Variants in SNCB observed in about 807,000 individuals in gnomAD.
SNCB encodes beta-synuclein.
SNCB carries 8 observed loss-of-function variants against 20.0 expected under a neutral mutation model. The ratio of observed to expected loss-of-function variants is 0.40; its 90% confidence interval spans 0.24 to 0.72. The LOEUF (loss-of-function observed/expected upper bound fraction) is 0.72, where lower values mean the gene tolerates loss of function less well. Ranked by LOEUF, SNCB falls within the 30% of genes least tolerant of loss-of-function variation. The pLI is 0.37. For synonymous variants in SNCB, 56 were observed against 65.4 expected (o/e 0.86, Z 0.69); for missense variants, 125 against 168.0 (o/e 0.74, Z 1.41).
chr5:176,624,114 C>T (rs771725718), intron 4 of SNCB, among the ~76,000 whole-genome samples: 1 of 152,198 alleles, frequency 6.6e-6, no homozygotes, highest in Non-Finnish European at 1.5e-5. Context: ...GAGGCGTCAA[C>T]AAGCACCAGT....
chr5:176,622,525 G>A (rs1581167282), intron 4 of SNCB, among the ~76,000 whole-genome samples: 3 of 93,508 alleles, frequency 3.2e-5, no homozygotes, highest in Admixed American at 9.1e-5. Flanking sequence ...AACAAAACAA[G>A]CCAGCTTGAG....
chr5:176,627,006 G>A (rs961987246), intron 2 of SNCB, among the ~76,000 whole-genome samples: 2 of 152,208 alleles, frequency 1.3e-5, no homozygotes, highest in African/African-American at 4.8e-5. Context: ...AGTGGATGTT[G>A]GCTGAGGGCC....
At position 176,621,538 on chromosome 5, in the gene SNCB, C is replaced by T. The variant is rs1310604125; in HGVS notation, c.283-235G>A. On this transcript the variant is annotated intron_variant, in intron 4 of 5. Coordinates refer to ENST00000393693, the MANE Select transcript of SNCB (RefSeq NM_003085.5). This position sits in a 1 kb window ranked among gnomAD's most constrained non-coding sequence, Gnocchi z 4.1. Reference sequence around the variant, plus strand: ...GCATGGAGTGGGAGCTGGCTCTCCACGCCGCTCCCCCAATGCCTGGCAGCC... The same window carrying T: ...GCATGGAGTGGGAGCTGGCTCTCCATGCCGCTCCCCCAATGCCTGGCAGCC... Among the ~76,000 whole-genome samples, 5 of 152,226 alleles carry T rather than the reference C, an allele frequency of 3.3e-5. No individual in the cohort carries two copies. The highest frequency in any genetic ancestry group is 4.1e-4 in the South Asian group (2 of 4,832).
In SNCB at chr5:176,630,505, C is replaced by G. The variant is rs993343305; in HGVS notation, c.-235G>C. 1 of 153,638 alleles carries G rather than the reference C, an allele frequency of 6.5e-6. No homozygotes were observed. Among genetic ancestry groups the G allele is most frequent in the Non-Finnish European group, 1.5e-5 (1 of 68,870 alleles). The allele number at this position is 153,638 out of a possible 1,614,324, so 9.5% of individuals were successfully genotyped here. On this transcript the variant is annotated 5_prime_UTR_variant, in exon 1 of 6. Coordinates refer to ENST00000393693, the MANE Select transcript of SNCB (RefSeq NM_003085.5). ...CCTGCGAGCTCGCGCGCTCCGGCTC[C>G]GGCTCCGGCTCCGGCGCTGCGGCAG...
intron 4 of SNCB, among the ~76,000 whole-genome samples, chr5:176,624,017 A>T (rs1455327104): frequency 6.6e-6 from 1 of 152,244 alleles, no homozygotes; most frequent in Non-Finnish European, 1.5e-5. Context: ...ATGGGCCTGC[A>T]TGAGTCCCCC....
chr5:176,627,037 GC>G (rs1315342307), intron 2 of SNCB, among the ~76,000 whole-genome samples: 1 of 152,224 alleles, frequency 6.6e-6, no homozygotes, highest in Non-Finnish European at 1.5e-5. Context: ...CAAGTCCTCT[GC>G]CTGCCCCGCT....
intron 2 of SNCB, among the ~76,000 whole-genome samples, chr5:176,627,565 G>C (rs143172589): frequency 1.3e-5 from 2 of 152,214 alleles, no homozygotes; most frequent in African/African-American, 4.8e-5. Context: ...GATGAGAGAC[G>C]GAAACGGGGT....
chr5:176,623,552 CT>C (rs1759747261), intron 4 of SNCB, among the ~76,000 whole-genome samples: 1 of 152,110 alleles, frequency 6.6e-6, no homozygotes, highest in African/African-American at 2.4e-5. Context: ...CCTCTTTTGT[CT>C]CCCCCTAGTC....
intron 4 of SNCB, among the ~76,000 whole-genome samples, chr5:176,622,116 C>T (rs1035457553): frequency 6.6e-6 from 1 of 152,262 alleles, no homozygotes; most frequent in African/African-American, 2.4e-5. Context: ...CACGTCTGCA[C>T]CCTGGGTGTC....
rs547979954 is a variant in SNCB at position 176,629,966 on chromosome 5, C to T, written c.-9-303G>A. On this transcript the variant is annotated intron_variant, in intron 1 of 5. Transcript: ENST00000393693. The surrounding 1 kb of genome is among the most constrained non-coding windows in gnomAD (Gnocchi z 4.1). The stretch of plus-strand genomic sequence containing the variant: ...TTCGGCGCGAATATCCAGGACCCGC[C>T]TGTACACGCACGGCACAGTCACACG... The T allele has an allele frequency of 1.7e-4, 58 of 343,740 alleles. No individual in the cohort carries two copies. The highest frequency in any genetic ancestry group is 1.1e-3 in the Admixed American group (24 of 22,244). 21.3% of individuals were successfully genotyped at this position (343,740 alleles called of 1,614,324 possible).
At chr5:176,622,805 C>T (rs58550877) in intron 4 of SNCB, among the ~76,000 whole-genome samples, 2 of 145,992 alleles carry the variant, frequency 1.4e-5, no homozygotes, top group African/African-American at 2.6e-5. Context: ...GGTGTGATCT[C>T]GGCTCACCGC....
intron 4 of SNCB, among the ~76,000 whole-genome samples, chr5:176,623,190 C>A (rs1759716300): frequency 6.6e-6 from 1 of 152,036 alleles, no homozygotes; most frequent in South Asian, 2.1e-4. Flanking sequence ...GAGTTTGAGA[C>A]TAGCCTGGCC....
At chr5:176,623,965 T>G (rs1450286015) in intron 4 of SNCB, among the ~76,000 whole-genome samples, 1 of 152,158 alleles carries the variant, frequency 6.6e-6, no homozygotes, top group African/African-American at 2.4e-5. Context: ...TGATGATGGA[T>G]GGAAAGCATG....
Position 176,629,929 on chromosome 5 carries a change from C to A in SNCB, c.-9-266G>T, listed in dbSNP as rs1416377104. 1.2e-5 allele frequency: 5 copies of A among 424,632 alleles called. No homozygotes were observed. The Admixed American group carries it at 1.6e-4, about 14-fold the overall frequency. The allele number at this position is 424,632 out of a possible 1,614,324, so 26.3% of individuals were successfully genotyped here. ...CCTGCAAACTGCAGCCCCGTCGAAC[C>A]GGAGTGCTGGGTTCGGCGCGAATAT... is the stretch of plus-strand genomic sequence containing the variant. On this transcript the variant is annotated intron_variant, in intron 1 of 5. Coordinates refer to ENST00000393693, the MANE Select transcript of SNCB (RefSeq NM_003085.5). This position sits in a 1 kb window ranked among gnomAD's most constrained non-coding sequence, Gnocchi z 4.1.
In SNCB at chr5:176,620,487, G is replaced by C. The variant is rs1177640840; in HGVS notation, c.*324C>G. On this transcript the variant is annotated 3_prime_UTR_variant, in exon 6 of 6. Transcript: ENST00000393693. This position sits in a 1 kb window ranked among gnomAD's most constrained non-coding sequence, Gnocchi z 4.5. Reference sequence around the variant, plus strand: ...TTGGAGAGCCACTGTCGGGGATCGGGGAGGAGCCGTCGCTCGGATCTTCGT... The same window carrying C: ...TTGGAGAGCCACTGTCGGGGATCGGCGAGGAGCCGTCGCTCGGATCTTCGT... 2.0e-5 allele frequency: 8 copies of C among 397,158 alleles called. No homozygotes were observed. The highest frequency in any genetic ancestry group is 3.6e-5 in the Non-Finnish European group (8 of 219,190). 24.6% of individuals were successfully genotyped at this position (397,158 alleles called of 1,614,324 possible).
chr5:176,620,931 C>T lies in SNCB; in HGVS notation c.373-88G>A. 1 of 1,190,562 alleles carries T rather than the reference C, an allele frequency of 8.4e-7. No individual in the cohort carries two copies. The highest frequency in any genetic ancestry group is 1.3e-6 in the Non-Finnish European group (1 of 795,002). The allele number at this position is 1,190,562 out of a possible 1,614,324, so 73.7% of individuals were successfully genotyped here. ...GTGGCCAAGCCCCGGCCCAAGAACC[C>T]TCTCCCTGAAGGAGGAATAGCACAT... is the stretch of plus-strand genomic sequence containing the variant. On this transcript the variant is annotated intron_variant, in intron 5 of 5. Coordinates refer to ENST00000393693, the MANE Select transcript of SNCB (RefSeq NM_003085.5). This position sits in a 1 kb window ranked among gnomAD's most constrained non-coding sequence, Gnocchi z 4.5.
chr5:176,620,530 A>G lies in SNCB; in HGVS notation c.*281T>C, dbSNP rs1759513761. 1.6e-5 allele frequency: 9 copies of G among 567,884 alleles called. No individual in the cohort carries two copies. Among genetic ancestry groups the G allele is most frequent in the Non-Finnish European group, 2.2e-5 (7 of 317,648 alleles). 35.2% of individuals were successfully genotyped at this position (567,884 alleles called of 1,614,324 possible). ...ATCTTCGTTTAAAAACACATAGAAC[A>G]TGCTACATCCGCGCAGACGCTGGAT... On this transcript the variant is annotated 3_prime_UTR_variant, in exon 6 of 6. Transcript: ENST00000393693. The surrounding 1 kb of genome is among the most constrained non-coding windows in gnomAD (Gnocchi z 4.5).
chr5:176,620,628 T>A lies in SNCB; in HGVS notation c.*183A>T. On this transcript the variant is annotated 3_prime_UTR_variant, in exon 6 of 6. Coordinates refer to ENST00000393693, the MANE Select transcript of SNCB (RefSeq NM_003085.5). This position sits in a 1 kb window ranked among gnomAD's most constrained non-coding sequence, Gnocchi z 4.5. ...CCCTGGCCCTGTCCATGCCCCGGGG[T>A]TGGACGCGGGCGGGTAGGACAGACA... 1 of 620,500 alleles carries A rather than the reference T, an allele frequency of 1.6e-6. No individual in the cohort carries two copies. Among genetic ancestry groups the A allele is most frequent in the South Asian group, 1.9e-5 (1 of 52,662 alleles). The allele number at this position is 620,500 out of a possible 1,614,324, so 38.4% of individuals were successfully genotyped here.
Position 176,621,853 on chromosome 5 carries a change from T to C in SNCB, c.283-550A>G, listed in dbSNP as rs1424639832. On this transcript the variant is annotated intron_variant, in intron 4 of 5. Coordinates refer to ENST00000393693, the MANE Select transcript of SNCB (RefSeq NM_003085.5). This position sits in a 1 kb window ranked among gnomAD's most constrained non-coding sequence, Gnocchi z 4.1. ...TGCTTGGATGTGTGAGCTAAGACTC[T>C]CCCCCCCACCCGCTGCGTCTGCTGC... 6.6e-6 allele frequency among the ~76,000 whole-genome samples: 1 copy of C among 151,842 alleles called. No individual in the cohort carries two copies. Among genetic ancestry groups the C allele is most frequent in the African/African-American group, 2.4e-5 (1 of 41,274 alleles).
Sources: gnomAD v4.1 joint callset for allele counts (sites outside exome capture counted in the v4.1 genomes callset) on GRCh38, gnomAD v4.1.1 for gene constraint, Gnocchi (gnomAD v3.1) non-coding constraint, MANE v1.5 for transcripts, NCBI Gene and HGNC (gene_info 2026-07-23, HGNC 2026-07-21) for gene names.